The following LGR6 variants were observed in gnomAD, a reference collection of about 807,000 sequenced individuals.
The protein encoded by LGR6 is leucine-rich repeat-containing G protein-coupled receptor 6.
A neutral mutation model predicts 69.4 loss-of-function variants in LGR6; 45 were observed. The observed-to-expected ratio is 0.65, with a 90% CI of 0.51 to 0.83. The LOEUF (loss-of-function observed/expected upper bound fraction) is 0.83. Ranked by LOEUF, LGR6 falls within the 40% of genes least tolerant of loss-of-function variation. The pLI is 0.00. For missense variants in LGR6, 1,108 were observed against 1,246.7 expected, an observed-to-expected ratio of 0.89 and a Z score of 1.68; for synonymous variants, 538 against 555.0, an observed-to-expected ratio of 0.97 and a Z score of 0.43.
intron 14 of LGR6, 128 bp from the exon 15 acceptor site, chr1:202,308,923 C>A (rs1653487149): frequency 2.6e-6 from 3 of 1,148,726 alleles, no homozygotes; most frequent in Non-Finnish European, 3.7e-6. Context: ...CTCTTCTAAG[C>A]TTCTCTCCTG....
intron 4 of LGR6, among the ~76,000 whole-genome samples, chr1:202,247,136 G>T (rs1403931504): frequency 6.6e-6 from 1 of 152,244 alleles, no homozygotes; most frequent in East Asian, 1.9e-4. Flanking sequence ...TGGGGCCCAA[G>T]AATCTGGATT....
Position 202,319,101 on chromosome 1 carries a change from A to T in LGR6, c.2798A>T (p.Asp933Val), listed in dbSNP as rs771610096. 3.7e-6 allele frequency: 6 copies of T among 1,614,178 alleles called. No individual in the cohort carries two copies. Among genetic ancestry groups the T allele is most frequent in the Non-Finnish European group, 5.1e-6 (6 of 1,180,004 alleles). Reference sequence around the variant, plus strand: ...TTTGGGAACCCCCAACCCTCCATGGATGGAGAACTGCTGCTGAGGGCAGAG... The same window carrying T: ...TTTGGGAACCCCCAACCCTCCATGGTTGGAGAACTGCTGCTGAGGGCAGAG... ...NHFGNPQPSM[D>V]GELLLRAEGS... is the part of the protein sequence containing the mutation. Residue 933 changes from aspartate to valine, a missense_variant, in exon 18 of 18, where the codon GAT becomes GTT. By Grantham distance (152) the Asp-to-Val change is radical. Coordinates refer to ENST00000367278, the MANE Select transcript of LGR6 (RefSeq NM_001017403.2).
rs1558084710 is a variant in LGR6, at chr1:202,310,330, C to T, written c.1540C>T (p.Leu514Phe). 4 of 1,613,856 alleles carry T rather than the reference C, an allele frequency of 2.5e-6. No individual in the cohort carries two copies. The highest frequency in any genetic ancestry group is 3.4e-6 in the Non-Finnish European group (4 of 1,179,978). ...GGAGTCTTCAAAAAGGCCCCTGGGC[C>T]TCCTTGCCAGACAAGCAGAGAACCA... is the stretch of plus-strand genomic sequence containing the variant. ...DEESSKRPLG[L>F]LARQAENHYD... Residue 514 changes from leucine to phenylalanine, a missense_variant, in exon 16 of 18, where the codon CTC (leucine) becomes TTC (phenylalanine). Transcript: ENST00000367278.
At chr1:202,244,559 G>C (rs182799819) in intron 4 of LGR6, among the ~76,000 whole-genome samples, 1 of 151,922 alleles carries the variant, frequency 6.6e-6, no homozygotes, top group Non-Finnish European at 1.5e-5. Flanking sequence ...TCCAGTCTCT[G>C]CCTTCTGCCT....
In LGR6 at chr1:202,319,022, C is replaced by T; in HGVS notation, c.2719C>T (p.Pro907Ser). The T allele has an allele frequency of 1.2e-6, 2 of 1,614,054 alleles. No individual in the cohort carries two copies. Among genetic ancestry groups the T allele is most frequent in the Non-Finnish European group, 1.7e-6 (2 of 1,179,962 alleles). Residue 907 changes from proline (P) to serine (S), a missense_variant, in exon 18 of 18, where the codon CCA becomes TCA. Physicochemically the swap from Pro to Ser is moderately conservative, Grantham distance 74. Coordinates refer to ENST00000367278, the MANE Select transcript of LGR6 (RefSeq NM_001017403.2). ...PSVTLISCQQ[P>S]GAPRLEGSHC... Reference sequence around the variant, plus strand: ...AGTGACCCTCATCTCCTGTCAGCAGCCAGGGGCCCCCAGGCTGGAGGGCAG... The same window carrying T: ...AGTGACCCTCATCTCCTGTCAGCAGTCAGGGGCCCCCAGGCTGGAGGGCAG...
intron 1 of LGR6, among the ~76,000 whole-genome samples, chr1:202,220,141 A>G (rs772003658): frequency 3.3e-5 from 5 of 152,010 alleles, no homozygotes; most frequent in Non-Finnish European, 4.4e-5. Flanking sequence ...TGGCCTCTCA[A>G]CGTGCTGGGA....
chr1:202,263,801 G>C (rs1195825895), intron 4 of LGR6, among the ~76,000 whole-genome samples: 1 of 152,230 alleles, frequency 6.6e-6, no homozygotes, highest in Non-Finnish European at 1.5e-5. Context: ...ACTATGTACT[G>C]TGGGACAAAG....
chr1:202,232,667 A>C lies in LGR6; in HGVS notation c.357-3255A>C, dbSNP rs992022401. 2.2e-5 allele frequency among the ~76,000 whole-genome samples: 3 copies of C among 134,842 alleles called. No individual in the cohort carries two copies. In the East Asian group the frequency reaches 6.1e-4, roughly 28 times the overall value. The allele number at this position is 134,842 out of a possible 152,430, so 88.5% of individuals were successfully genotyped here. Reference sequence around the variant, plus strand: ...ATCAAGACACCATCTCTACAAAAAAATGTTAAAACCTTGTCTGTTGATTCT... The same window carrying C: ...ATCAAGACACCATCTCTACAAAAAACTGTTAAAACCTTGTCTGTTGATTCT... On this transcript the variant is annotated intron_variant, in intron 3 of 17. Transcript: ENST00000367278.
chr1:202,290,629 T>C (rs1406015257), intron 6 of LGR6, among the ~76,000 whole-genome samples: 1 of 152,098 alleles, frequency 6.6e-6, no homozygotes, highest in Non-Finnish European at 1.5e-5. Context: ...TCCCAGCACT[T>C]TGGGAGGCTG....
At chr1:202,238,412 CTT>C (rs60376943) in intron 4 of LGR6, among the ~76,000 whole-genome samples, 32,406 of 83,432 alleles carry the variant, frequency 0.39, 7,154 homozygotes, top group East Asian at 0.64. Context: ...CAGCCTGATC[CTT>C]TTTTTTTTTT....
intron 4 of LGR6, among the ~76,000 whole-genome samples, chr1:202,250,942 C>G (rs991668027): frequency 6.6e-6 from 1 of 152,198 alleles, no homozygotes; most frequent in Non-Finnish European, 1.5e-5. Flanking sequence ...CTGGTTCCCC[C>G]TTCCTCTACA....
At chr1:202,198,897 C>T (rs1422592582) in intron 1 of LGR6, among the ~76,000 whole-genome samples, 8 of 151,968 alleles carry the variant, frequency 5.3e-5, no homozygotes, top group Non-Finnish European at 8.8e-5. Flanking sequence ...TGCCAGGTCT[C>T]ATTTCTCACT....
chr1:202,200,230 ACT>A (rs1658793103), intron 1 of LGR6, among the ~76,000 whole-genome samples: 1 of 152,124 alleles, frequency 6.6e-6, no homozygotes. Flanking sequence ...CTGGTGGGAG[ACT>A]CTCCAAAGAG....
intron 4 of LGR6, among the ~76,000 whole-genome samples, chr1:202,263,155 C>T (rs1664375065): frequency 6.6e-6 from 1 of 152,024 alleles, no homozygotes; most frequent in African/African-American, 2.4e-5. Context: ...CAGGGTCTCA[C>T]TCTGTTGCCC....
Position 202,318,230 on chromosome 1 carries a change from C to G in LGR6, c.1927C>G (p.Arg643Gly), listed in dbSNP as rs141415011. ...CCGCTGGGAGACGGGGCTAGGCTGC[C>G]GGGCCACTGGCTTCCTGGCAGTACT... Reference protein sequence around the residue: ...GARWETGLGCRATGFLAVLGS... With the variant: ...GARWETGLGCGATGFLAVLGS... Residue 643 changes from arginine (R) to glycine (G), a missense_variant, in exon 18 of 18, where the codon CGG becomes GGG. Arg to Gly is a moderately radical substitution (Grantham distance 125, BLOSUM62 -2). Transcript: ENST00000367278. 2.5e-5 allele frequency: 41 copies of G among 1,611,620 alleles called. No individual in the cohort carries two copies. The East Asian group carries it at 8.2e-4, about 32-fold the overall frequency.
intron 6 of LGR6, among the ~76,000 whole-genome samples, chr1:202,289,237 T>C (rs1381791431): frequency 6.6e-6 from 1 of 152,222 alleles, no homozygotes; most frequent in African/African-American, 2.4e-5. Context: ...TTACGTAATC[T>C]GCAGAGTGGC....
At chr1:202,314,022 T>C (rs1279673644) in intron 16 of LGR6, among the ~76,000 whole-genome samples, 2 of 152,220 alleles carry the variant, frequency 1.3e-5, no homozygotes, top group Non-Finnish European at 1.5e-5. Context: ...ACTCAGCAGA[T>C]GTGGACCTAC....
At chr1:202,204,032 T>C (rs1411402232) in intron 1 of LGR6, among the ~76,000 whole-genome samples, 2 of 152,110 alleles carry the variant, frequency 1.3e-5, no homozygotes, top group African/African-American at 4.8e-5. Flanking sequence ...CTGATTGTGA[T>C]GCTCTACTTC....
chr1:202,274,409 A>C (rs1357756574), intron 4 of LGR6, among the ~76,000 whole-genome samples: 6 of 152,144 alleles, frequency 3.9e-5, no homozygotes, highest in Admixed American at 3.9e-4. Context: ...TTTATGATCA[A>C]ATCTAAGAAC....
Sources: allele counts gnomAD v4.1 joint callset (sites outside exome capture counted in the v4.1 genomes callset), GRCh38; gene constraint gnomAD v4.1.1; transcripts MANE v1.5; gene names NCBI Gene and HGNC (gene_info 2026-07-23, HGNC 2026-07-21).